LRRC4C: variants seen among roughly 807,000 people sequenced by gnomAD.
LRRC4C encodes the protein leucine rich repeat containing 4C.
A neutral mutation model predicts 33.6 loss-of-function variants in LRRC4C; 5 were observed. The ratio of observed to expected loss-of-function variants is 0.15; its 90% CI spans 0.08 to 0.31. The LOEUF (loss-of-function observed/expected upper bound fraction) is 0.31. Among genes scored for constraint, LRRC4C ranks in the 10% least tolerant of loss-of-function variants. The pLI, the probability that LRRC4C is intolerant of heterozygous loss-of-function variation, is 1.00. For synonymous variants in LRRC4C, 329 were observed against 302.0 expected, an observed-to-expected ratio of 1.09 and a Z score of -0.93; for missense variants, 560 against 796.7, an observed-to-expected ratio of 0.70 and a Z score of 3.58.
intron 1 of LRRC4C, among the ~76,000 whole-genome samples, chr11:41,163,901 T>C (rs4237683): frequency 0.92 from 140,560 of 152,216 alleles, 65,423 homozygotes; most frequent in East Asian, 1. Flanking sequence ...CATGAGATGC[T>C]GCACCTGGCC....
chr11:40,543,863 G>T (rs184170864), intron 3 of LRRC4C, among the ~76,000 whole-genome samples: 5 of 152,004 alleles, frequency 3.3e-5, no homozygotes, highest in Admixed American at 6.6e-5. Flanking sequence ...AAATACATGG[G>T]TGTATTACTA....
At chr11:40,591,749 G>A (rs993091284) in intron 3 of LRRC4C, among the ~76,000 whole-genome samples, 18 of 152,176 alleles carry the variant, frequency 1.2e-4, no homozygotes, top group South Asian at 2.1e-4. Context: ...AACCTTGCTG[G>A]ATTTAGAAGC....
chr11:40,999,488 C>G (rs1854212672), intron 1 of LRRC4C, among the ~76,000 whole-genome samples: 1 of 152,016 alleles, frequency 6.6e-6, no homozygotes, highest in Non-Finnish European at 1.5e-5. Context: ...TATTAATATG[C>G]AAAACCATTA....
At chr11:40,563,309 A>G (rs1360971339) in intron 3 of LRRC4C, among the ~76,000 whole-genome samples, 1 of 152,162 alleles carries the variant, frequency 6.6e-6, no homozygotes, top group Non-Finnish European at 1.5e-5. Context: ...GCCTGGCCCA[A>G]AGTCATGGAC....
intron 1 of LRRC4C, among the ~76,000 whole-genome samples, chr11:41,221,492 C>A (rs895796915): frequency 6.6e-6 from 1 of 152,026 alleles, no homozygotes; most frequent in Non-Finnish European, 1.5e-5. Flanking sequence ...GACAGTGTGG[C>A]AATTCCTCAA....
intron 1 of LRRC4C, among the ~76,000 whole-genome samples, chr11:40,968,503 A>C (rs1032207171): frequency 6.6e-6 from 1 of 152,150 alleles, no homozygotes; most frequent in Non-Finnish European, 1.5e-5. Flanking sequence ...TTCATAGCTA[A>C]TTTGGAGAAT....
At chr11:41,045,289 A>C (rs1037825243) in intron 1 of LRRC4C, among the ~76,000 whole-genome samples, 2 of 152,080 alleles carry the variant, frequency 1.3e-5, no homozygotes, top group Admixed American at 6.5e-5. Context: ...CATGGGGCAT[A>C]GATAATAGTT....
rs1011164428 is a variant in LRRC4C at position 40,264,097 on chromosome 11, A to G, written c.-175-22499T>C. Reference sequence around the variant, plus strand: ...TCTGTGTCCTATTTAATAACTATGTATAAAGAACTAGAACTGTGCTTGGCA... The same window carrying G: ...TCTGTGTCCTATTTAATAACTATGTGTAAAGAACTAGAACTGTGCTTGGCA... On this transcript the variant is annotated intron_variant, in intron 4 of 6. Coordinates refer to ENST00000528697, the MANE Select transcript of LRRC4C (RefSeq NM_001258419.2). Among the ~76,000 whole-genome samples, 7 of 152,322 alleles carry G rather than the reference A, an allele frequency of 4.6e-5. No individual in the cohort carries two copies. The East Asian group carries it at 1.4e-3, about 29-fold the overall frequency.
intron 1 of LRRC4C, among the ~76,000 whole-genome samples, chr11:40,964,477 G>T (rs959763167): frequency 6.6e-6 from 1 of 150,990 alleles, no homozygotes; most frequent in African/African-American, 2.4e-5. Flanking sequence ...CCATTAACTC[G>T]TCATTTAGCA....
At chr11:40,793,265 T>G (rs1317550830) in intron 2 of LRRC4C, among the ~76,000 whole-genome samples, 1 of 152,190 alleles carries the variant, frequency 6.6e-6, no homozygotes, top group Non-Finnish European at 1.5e-5. Context: ...GTTTAAAAAT[T>G]GAGGGTCTCG....
At chr11:41,058,331 T>G (rs2135342306) in intron 1 of LRRC4C, among the ~76,000 whole-genome samples, 1 of 152,354 alleles carries the variant, frequency 6.6e-6, no homozygotes, top group East Asian at 1.9e-4. Flanking sequence ...AAAGAGCCAG[T>G]GCCCATGCCA....
At chr11:41,078,762 G>A (rs1202897151) in intron 1 of LRRC4C, among the ~76,000 whole-genome samples, 1 of 152,156 alleles carries the variant, frequency 6.6e-6, no homozygotes, top group Non-Finnish European at 1.5e-5. Context: ...ATCAGATGAG[G>A]CCAAAAACCT....
At chr11:41,238,685 C>G (rs1948121953) in intron 1 of LRRC4C, among the ~76,000 whole-genome samples, 1 of 152,140 alleles carries the variant, frequency 6.6e-6, no homozygotes, top group Non-Finnish European at 1.5e-5. Flanking sequence ...TTTGTCATGA[C>G]ACAAAGCCTC....
chr11:40,133,335 T>G (rs536854000), intron 6 of LRRC4C, among the ~76,000 whole-genome samples: 1 of 152,316 alleles, frequency 6.6e-6, no homozygotes, highest in East Asian at 1.9e-4. Flanking sequence ...ATCATGTATA[T>G]AGAGTCATTC....
intron 5 of LRRC4C, among the ~76,000 whole-genome samples, chr11:40,148,882 T>C (rs548518497): frequency 6.6e-6 from 1 of 152,210 alleles, no homozygotes; most frequent in East Asian, 1.9e-4. Context: ...GGGGTCCAGT[T>C]TGAATCTTTT....
At position 41,295,646 on chromosome 11, in the gene LRRC4C, G is replaced by A. The variant is rs192926704; in HGVS notation, c.-496+163785C>T. On this transcript the variant is annotated intron_variant, in intron 1 of 6. Coordinates refer to ENST00000528697, the MANE Select transcript of LRRC4C (RefSeq NM_001258419.2). Reference sequence around the variant, plus strand: ...AGAGTTTAGTACATAACCTGACTCCGGGAACTTCATTCTTCATGACTTTCA... The same window carrying A: ...AGAGTTTAGTACATAACCTGACTCCAGGAACTTCATTCTTCATGACTTTCA... 2.4e-4 allele frequency among the ~76,000 whole-genome samples: 36 copies of A among 150,938 alleles called. No homozygotes were observed. In the East Asian group the frequency reaches 6.6e-3, roughly 28 times the overall value.
chr11:40,300,993 G>A (rs1004324937), intron 4 of LRRC4C, among the ~76,000 whole-genome samples: 2 of 152,106 alleles, frequency 1.3e-5, no homozygotes, highest in African/African-American at 4.8e-5. Context: ...GTGATTGGTT[G>A]AATCCACAGA....
intron 1 of LRRC4C, among the ~76,000 whole-genome samples, chr11:41,220,314 T>A (rs951664927): frequency 2.0e-5 from 3 of 152,138 alleles, no homozygotes; most frequent in African/African-American, 4.8e-5. Context: ...AGGAAGTTTT[T>A]CAAGGACATA....
At chr11:41,083,776 G>A (rs1185706583) in intron 1 of LRRC4C, among the ~76,000 whole-genome samples, 4 of 152,190 alleles carry the variant, frequency 2.6e-5, no homozygotes, top group Non-Finnish European at 5.9e-5. Context: ...TCACTTGCCT[G>A]TTGTGACAAG....
Sources: gnomAD v4.1 joint callset for allele counts (sites outside exome capture counted in the v4.1 genomes callset) on GRCh38, gnomAD v4.1.1 for gene constraint, MANE v1.5 for transcripts, NCBI Gene and HGNC (gene_info 2026-07-23, HGNC 2026-07-21) for gene names.